The following DNA2 variants were observed in gnomAD, a reference collection of about 807,000 sequenced individuals.
DNA2 encodes DNA replication helicase/nuclease 2.
A neutral mutation model predicts 119.1 loss-of-function variants in DNA2; 101 were observed. The observed-to-expected ratio is 0.85, with a 90% CI of 0.72 to 1.00. The LOEUF is 1.00. Ranked by LOEUF, DNA2 falls within the 50% of genes least tolerant of loss-of-function variation. The probability of loss-of-function intolerance (pLI) is 0.00; values close to 1 mark genes in which losing one functional copy is unlikely to be tolerated. For synonymous variants in DNA2, 366 were observed against 424.4 expected (o/e 0.86, Z 1.69); for missense variants, 1,121 against 1,255.5 (o/e 0.89, Z 1.62).
At position 68,419,904 on chromosome 10, in the gene DNA2, A is replaced by G; in HGVS notation, c.2698-12T>C. 6.2e-7 allele frequency: 1 copy of G among 1,610,442 alleles called. No individual in the cohort carries two copies. The highest frequency in any genetic ancestry group is 1.1e-5 in the South Asian group (1 of 90,996). ...TCTGGCGCTGGAACCTAAGTGGAAA[A>G]ATATACAGCCTGCTGATAATACAAT... is the stretch of plus-strand genomic sequence containing the variant. On this transcript the variant is annotated splice_polypyrimidine_tract_variant and intron_variant, in intron 17 of 20. Coordinates refer to ENST00000358410, the MANE Select transcript of DNA2 (RefSeq NM_001080449.3).
intron 4 of DNA2, among the ~76,000 whole-genome samples, chr10:68,462,131 G>A (rs2133438538): frequency 6.6e-6 from 1 of 152,278 alleles, no homozygotes; most frequent in East Asian, 1.9e-4. Context: ...AACACTTTGG[G>A]AAGCCAAGAC....
At chr10:68,424,795 T>C in intron 14 of DNA2, 1 of 1,181,918 alleles carries the variant, frequency 8.5e-7, no homozygotes, top group Non-Finnish European at 1.3e-6. Flanking sequence ...AAGAAAGATG[T>C]CATCTACACT....
chr10:68,437,391 TC>T, intron 9 of DNA2, 150 bp from the exon 10 acceptor site: 1 of 665,296 alleles, frequency 1.5e-6, no homozygotes, highest in Non-Finnish European at 2.4e-6. Context: ...ATCCCAACAC[TC>T]CAGGAGGCCG....
chr10:68,443,998 T>G (rs2052004122), intron 8 of DNA2, among the ~76,000 whole-genome samples: 1 of 151,868 alleles, frequency 6.6e-6, no homozygotes, highest in African/African-American at 2.4e-5. Context: ...GGCTCAAGCC[T>G]ATAATCCCAG....
At chr10:68,444,857 G>T in intron 8 of DNA2, 64 bp downstream of exon 8, 1 of 1,296,566 alleles carries the variant, frequency 7.7e-7, no homozygotes. Flanking sequence ...GGCCACCAGT[G>T]TTAAACGTAT....
At chr10:68,426,501 G>A (rs2051742775) in intron 14 of DNA2, among the ~76,000 whole-genome samples, 2 of 151,656 alleles carry the variant, frequency 1.3e-5, no homozygotes, top group African/African-American at 4.9e-5. Flanking sequence ...TCACACCACT[G>A]CACTCCAGCC....
At chr10:68,436,142 C>T (rs1273388356) in intron 10 of DNA2, among the ~76,000 whole-genome samples, 1 of 152,130 alleles carries the variant, frequency 6.6e-6, no homozygotes, top group East Asian at 1.9e-4. Flanking sequence ...CAATATTAAT[C>T]ATTACAGCAA....
At chr10:68,460,702 C>G (rs781145647) in intron 4 of DNA2, among the ~76,000 whole-genome samples, 16 of 152,074 alleles carry the variant, frequency 1.1e-4, no homozygotes, top group Non-Finnish European at 2.1e-4. Context: ...GCCATTGCAC[C>G]TGGCCTAACA....
chr10:68,436,404 G>T (rs1230283048), intron 10 of DNA2, among the ~76,000 whole-genome samples: 1 of 152,182 alleles, frequency 6.6e-6, no homozygotes, highest in Non-Finnish European at 1.5e-5. Context: ...TTTAGTGGTT[G>T]CCAGGGACTT....
chr10:68,436,921 C>G (rs2051895544), intron 10 of DNA2, 90 bp downstream of exon 10: 1 of 1,040,828 alleles, frequency 9.6e-7, no homozygotes. Flanking sequence ...TACTAAAAAC[C>G]AGCGAATTGT....
chr10:68,442,245 G>A (rs2051979124), intron 9 of DNA2, among the ~76,000 whole-genome samples: 1 of 150,002 alleles, frequency 6.7e-6, no homozygotes, highest in Admixed American at 6.7e-5. Flanking sequence ...TTGAGACAGA[G>A]TCTCGCTCTG....
intron 9 of DNA2, among the ~76,000 whole-genome samples, chr10:68,441,499 C>T (rs1452513472): frequency 6.6e-6 from 1 of 151,762 alleles, no homozygotes; most frequent in Admixed American, 6.6e-5. Flanking sequence ...GTATTTAGAC[C>T]AGGCAAGGTG....
intron 9 of DNA2, among the ~76,000 whole-genome samples, chr10:68,437,485 A>C (rs2051905631): frequency 6.6e-6 from 1 of 150,544 alleles, no homozygotes; most frequent in Non-Finnish European, 1.5e-5. Context: ...AAAAAAAAAA[A>C]AATAAAAATA....
chr10:68,471,800 G>C lies in DNA2; in HGVS notation c.65C>G (p.Pro22Arg), dbSNP rs779404104. 1 of 1,600,250 alleles carries C rather than the reference G, an allele frequency of 6.2e-7. No homozygotes were observed. The highest frequency in any genetic ancestry group is 8.5e-7 in the Non-Finnish European group (1 of 1,174,446). ...CCCCCTCTCCGCTCACAGCTCCGCC[G>C]GCAGCTCCGCCTCCTCCCAAAAACT... ...EKSFWEEAEL[P>R]AELFQKKVVA... is the part of the protein sequence containing the mutation. The change falls in exon 1 of 21, where the codon CCG becomes CGG. Residue 22 changes from proline to arginine, a missense_variant. Coordinates refer to ENST00000358410, the MANE Select transcript of DNA2 (RefSeq NM_001080449.3).
chr10:68,428,753 C>T (rs552486290), intron 14 of DNA2, among the ~76,000 whole-genome samples: 37 of 152,234 alleles, frequency 2.4e-4, no homozygotes, highest in Middle Eastern at 3.4e-3. Flanking sequence ...CATTCTCGAA[C>T]GACCAAATTA....
chr10:68,454,632 T>C (rs953558776), intron 5 of DNA2, among the ~76,000 whole-genome samples: 23 of 151,652 alleles, frequency 1.5e-4, no homozygotes, highest in African/African-American at 5.1e-4. Context: ...ATGGTGAAAC[T>C]CCGTCTCTAC....
intron 17 of DNA2, 59 bp from the exon 18 acceptor site, chr10:68,419,951 C>T (rs1038242608): frequency 8.6e-6 from 12 of 1,398,058 alleles, no homozygotes; most frequent in Admixed American, 1.8e-5. Flanking sequence ...ACTATAAGTA[C>T]GCAACTGGCC....
intron 5 of DNA2, among the ~76,000 whole-genome samples, chr10:68,452,495 T>C (rs533295291): frequency 2.7e-4 from 41 of 152,272 alleles, no homozygotes; most frequent in Non-Finnish European, 4.6e-4. Flanking sequence ...GTATACCTAA[T>C]AGAATACAGG....
chr10:68,421,823 T>TG (rs1554903359), intron 17 of DNA2, among the ~76,000 whole-genome samples: 1 of 139,534 alleles, frequency 7.2e-6, no homozygotes, highest in African/African-American at 2.9e-5. Flanking sequence ...TGCCTTTTTT[T>TG]TTCCCCCCAA....
Sources: gnomAD v4.1 joint callset for allele counts (sites outside exome capture counted in the v4.1 genomes callset) on GRCh38, gnomAD v4.1.1 for gene constraint, MANE v1.5 for transcripts, NCBI Gene and HGNC (gene_info 2026-07-23, HGNC 2026-07-21) for gene names.